The following HMOX2 variants were observed in gnomAD, a reference collection of about 807,000 sequenced individuals.
HMOX2 encodes heme oxygenase (decycling) 2.
In HMOX2, 30 loss-of-function variants were observed where a neutral mutation model predicts 33.7. That is an observed-to-expected ratio of 0.89 (90% CI 0.67 to 1.21). The LOEUF is 1.21. HMOX2 is among the 50% of genes most tolerant of loss of function. HMOX2 has a pLI of 0.00. For missense variants in HMOX2, 403 were observed against 399.1 expected (o/e 1.01, Z -0.08); for synonymous variants, 155 against 155.0 (o/e 1.00, Z 0.00).
chr16:4,489,270 C>A (rs2141550186), intron 1 of HMOX2, among the ~76,000 whole-genome samples: 1 of 152,244 alleles, frequency 6.6e-6, no homozygotes, highest in South Asian at 2.1e-4. Flanking sequence ...CCCCACAAGG[C>A]CATTCTTATC....
At chr16:4,497,228 T>C (rs1050712079) in intron 1 of HMOX2, among the ~76,000 whole-genome samples, 7 of 152,176 alleles carry the variant, frequency 4.6e-5, no homozygotes, top group African/African-American at 1.4e-4. Flanking sequence ...ACTCCACTTA[T>C]CCACACGACA....
In HMOX2 at chr16:4,487,482, C is replaced by T. The variant is rs540830723; in HGVS notation, c.-42+10995C>T. On this transcript the variant is annotated intron_variant, in intron 1 of 5. Transcript: ENST00000570646. The stretch of plus-strand genomic sequence containing the variant: ...GGTTGGGAGTTTGAGACCAGCCTGA[C>T]CAACATGGAGAAACCCCATGTCTAC... 1.9e-4 allele frequency among the ~76,000 whole-genome samples: 28 copies of T among 151,270 alleles called. No homozygotes were observed. In the East Asian group the frequency reaches 5.2e-3, roughly 28 times the overall value.
intron 1 of HMOX2, among the ~76,000 whole-genome samples, chr16:4,498,742 C>T (rs1372315416): frequency 6.6e-6 from 1 of 152,138 alleles, no homozygotes; most frequent in Non-Finnish European, 1.5e-5. Flanking sequence ...GATTGAATTC[C>T]CCCAGCGATT....
At chr16:4,499,052 G>A (rs765082911) in intron 1 of HMOX2, among the ~76,000 whole-genome samples, 2 of 152,194 alleles carry the variant, frequency 1.3e-5, no homozygotes, top group Non-Finnish European at 2.9e-5. Context: ...ATTTCCTGAC[G>A]CTGCTGGAGA....
rs1037851391 is a variant in HMOX2 at position 4,507,031 on chromosome 16, G to A, written c.204+19G>A. 3.3e-6 allele frequency: 5 copies of A among 1,495,840 alleles called. No individual in the cohort carries two copies. The highest frequency in any genetic ancestry group is 4.7e-6 in the Non-Finnish European group (5 of 1,072,314). The allele number at this position is 1,495,840 out of a possible 1,614,324, so 92.7% of individuals were successfully genotyped here. On this transcript the variant is annotated intron_variant, in intron 3 of 5. Transcript: ENST00000570646. ...GTTTAAGGTTTGTGCCCCGCATTGG[G>A]TTCCAGACTGTCATATGGGGTTGGG...
At chr16:4,494,313 C>G (rs952322820) in intron 1 of HMOX2, among the ~76,000 whole-genome samples, 5 of 138,610 alleles carry the variant, frequency 3.6e-5, no homozygotes, top group African/African-American at 1.3e-4. Context: ...GAGACTCTGC[C>G]ACAAAAAAAA....
At chr16:4,503,383 C>T (rs1213826906) in intron 1 of HMOX2, among the ~76,000 whole-genome samples, 1 of 152,198 alleles carries the variant, frequency 6.6e-6, no homozygotes, top group African/African-American at 2.4e-5. Context: ...TCTGCATACT[C>T]TTCCCTGCAT....
intron 1 of HMOX2, among the ~76,000 whole-genome samples, chr16:4,504,188 T>A (rs940339292): frequency 6.6e-6 from 1 of 152,084 alleles, no homozygotes; most frequent in African/African-American, 2.4e-5. Flanking sequence ...ACAGTCTGCT[T>A]TTTTGGTAAC....
chr16:4,481,348 CAAAAAAAAAA>C (rs60035479), intron 1 of HMOX2, among the ~76,000 whole-genome samples: 1 of 114,060 alleles, frequency 8.8e-6, no homozygotes, highest in African/African-American at 3.3e-5. Context: ...GACTCCGTCT[CAAAAAAAAAA>C]AAAAAAAGAA....
Position 4,509,775 on chromosome 16 carries a change from C to G in HMOX2, c.*19C>G. The G allele has an allele frequency of 6.2e-7, 1 of 1,607,146 alleles. No homozygotes were observed. The highest frequency in any genetic ancestry group is 8.5e-7 in the Non-Finnish European group (1 of 1,176,780). On this transcript the variant is annotated 3_prime_UTR_variant, in exon 6 of 6. Transcript: ENST00000570646. ...CATGTGAAGCACCCATCATGCCACACCGGTACCCTCCTCCCGACTGACCAC... is the reference window on the plus strand; with the variant it reads ...CATGTGAAGCACCCATCATGCCACAGCGGTACCCTCCTCCCGACTGACCAC...
In HMOX2 at chr16:4,494,156, A is replaced by G. The variant is rs1470016352; in HGVS notation, c.-41-11328A>G. On this transcript the variant is annotated intron_variant, in intron 1 of 5. Coordinates refer to ENST00000570646, the MANE Select transcript of HMOX2 (RefSeq NM_002134.4). The stretch of plus-strand genomic sequence containing the variant: ...ACGGTGAAACCCCGTATCTACTAAA[A>G]ATACAAAAAATTAGCGGGGCGTGGT... Among the ~76,000 whole-genome samples, 4 of 152,076 alleles carry G rather than the reference A, an allele frequency of 2.6e-5. No homozygotes were observed. The East Asian group carries it at 7.7e-4, about 29-fold the overall frequency.
In HMOX2 at chr16:4,506,924, A is replaced by G; in HGVS notation, c.116A>G (p.Glu39Gly). The G allele has an allele frequency of 6.2e-7, 1 of 1,614,078 alleles. No individual in the cohort carries two copies. Among genetic ancestry groups the G allele is most frequent in the Middle Eastern group, 1.7e-4 (1 of 6,060 alleles). ...RMADLSELLKEGTKEAHDRAE... is the reference protein window; with the variant it reads ...RMADLSELLKGGTKEAHDRAE... ...GCTGACCTCTCGGAGCTCCTGAAGG[A>G]AGGGACCAAGGAAGCACACGACCGG... Residue 39 changes from glutamate to glycine, a missense_variant, in exon 3 of 6, where the codon GAA (glutamate) becomes GGA (glycine). Coordinates refer to ENST00000570646, the MANE Select transcript of HMOX2 (RefSeq NM_002134.4).
chr16:4,483,160 GGTGTGT>G (rs35532266), intron 1 of HMOX2, among the ~76,000 whole-genome samples: 5,316 of 131,170 alleles, frequency 0.041, 102 homozygotes, highest in Middle Eastern at 0.07. Flanking sequence ...TGCAAACCCT[GGTGTGT>G]GTGTGTGTGT....
At chr16:4,496,807 G>A (rs1596464317) in intron 1 of HMOX2, 1 of 151,738 alleles carries the variant, frequency 6.6e-6, no homozygotes, top group East Asian at 1.9e-4. Context: ...GGGTGAACTT[G>A]AGGGCCTTCT....
Position 4,507,984 on chromosome 16 carries a change from GGGATCT to G in HMOX2, c.477_482del (p.Asp160_Leu161del). The G allele has an allele frequency of 6.2e-7, 1 of 1,614,050 alleles. No homozygotes were observed. Among genetic ancestry groups the G allele is most frequent in the Non-Finnish European group, 8.5e-7 (1 of 1,180,000 alleles). On this transcript the variant is annotated inframe_deletion, in exon 4 of 6. Transcript: ENST00000570646. The stretch of plus-strand genomic sequence containing the variant: ...GCCCATGCATACACCCGCTACATGG[GGGATCT>G]CTCGGGGGGCCAGGTGCTGAAGAAG...
At chr16:4,478,848 G>C (rs2057941280) in intron 1 of HMOX2, among the ~76,000 whole-genome samples, 1 of 151,860 alleles carries the variant, frequency 6.6e-6, no homozygotes, top group Non-Finnish European at 1.5e-5. Context: ...TCCTTGGAAA[G>C]GAAAGAGATG....
At chr16:4,505,673 C>G in intron 2 of HMOX2, 63 bp downstream of exon 2, 4 of 1,210,322 alleles carry the variant, frequency 3.3e-6, no homozygotes, top group Non-Finnish European at 4.7e-6. Context: ...GCTCAGCACA[C>G]CTGGTTTTGT....
upstream of HMOX2, chr16:4,476,103 C>G (rs17879291): frequency 2.0e-5 from 3 of 152,060 alleles, no homozygotes; most frequent in East Asian, 1.9e-4. Context: ...GTTGACAACC[C>G]TATTTCTTAC....
chr16:4,494,387 C>G (rs927024868), intron 1 of HMOX2, among the ~76,000 whole-genome samples: 6 of 151,646 alleles, frequency 4.0e-5, no homozygotes, highest in African/African-American at 1.2e-4. Context: ...GCATGGTGAT[C>G]TGTTTTCTCT....
Sources: gnomAD v4.1 joint callset for allele counts (sites outside exome capture counted in the v4.1 genomes callset) on GRCh38, gnomAD v4.1.1 for gene constraint, MANE v1.5 for transcripts, NCBI Gene and HGNC (gene_info 2026-07-23, HGNC 2026-07-21) for gene names.